FRYL: variants seen among roughly 807,000 people sequenced by gnomAD.
FRYL encodes the protein FRY like transcription coactivator, also known as protein furry homolog-like.
FRYL carries 150 observed loss-of-function variants against 351.2 expected under a neutral mutation model. The observed-to-expected ratio is 0.43, with a 90% confidence interval of 0.37 to 0.49. The LOEUF (loss-of-function observed/expected upper bound fraction) is 0.49, where lower values mean the gene tolerates loss of function less well. FRYL is among the 20% of genes least tolerant of loss of function. FRYL has a pLI of 0.00. For missense variants in FRYL, 3,036 were observed against 3,619.3 expected (o/e 0.84, Z 4.13); for synonymous variants, 1,153 against 1,257.1 (o/e 0.92, Z 1.75).
At position 48,605,703 on chromosome 4, in the gene FRYL, TAACACACAAA is replaced by T. The variant is rs767551816; in HGVS notation, c.834+28_834+37del. 2.2e-5 allele frequency: 28 copies of T among 1,276,512 alleles called. No homozygotes were observed. In the Admixed American group the frequency reaches 4.9e-4, roughly 22 times the overall value. 79.1% of individuals were successfully genotyped at this position (1,276,512 alleles called of 1,614,324 possible). A position where few individuals can be genotyped will look rare whatever the true frequency, so the allele number is the denominator to read the frequency against. ...GTATAAGGTTGATAAGGTTCTTGTA[TAACACACAAA>T]TGGTATGAAAATAAGAAAAATACTT... On this transcript the variant is annotated intron_variant, in intron 11 of 63. Transcript: ENST00000358350.
rs1314846724 is a variant in FRYL at position 48,653,942 on chromosome 4, A to C, written c.-80-19452T>G. On this transcript the variant is annotated intron_variant, in intron 3 of 63. Transcript: ENST00000358350. Reference sequence around the variant, plus strand: ...TGGCCCACAGTGCCTTGGCTTCATTACCATGCAGTCTTGCAGTGACGCACA... The same window carrying C: ...TGGCCCACAGTGCCTTGGCTTCATTCCCATGCAGTCTTGCAGTGACGCACA... 3 of 1,215,410 alleles carry C rather than the reference A, an allele frequency of 2.5e-6. No homozygotes were observed. The African/African-American group carries it at 4.8e-5, about 19-fold the overall frequency. 75.3% of individuals were successfully genotyped at this position (1,215,410 alleles called of 1,614,324 possible).
intron 27 of FRYL, among the ~76,000 whole-genome samples, chr4:48,569,643 T>C (rs1297964052): frequency 6.6e-6 from 1 of 152,124 alleles, no homozygotes; most frequent in Non-Finnish European, 1.5e-5. Flanking sequence ...GAAAAGTAAA[T>C]CAATGGTTTA....
chr4:48,594,690 C>A lies in FRYL; in HGVS notation c.1249-674G>T, dbSNP rs1344228374. On this transcript the variant is annotated intron_variant, in intron 15 of 63. Transcript: ENST00000358350. Reference sequence around the variant, plus strand: ...TAAATATTCTTTATTTCTTCACTGTCAAAAATAATTGAATTATGGATCATC... The same window carrying A: ...TAAATATTCTTTATTTCTTCACTGTAAAAAATAATTGAATTATGGATCATC... 5.9e-5 allele frequency among the ~76,000 whole-genome samples: 9 copies of A among 152,212 alleles called. No individual in the cohort carries two copies. In the South Asian group the frequency reaches 1.7e-3, roughly 28 times the overall value.
chr4:48,681,466 A>G (rs1210672831), intron 3 of FRYL, among the ~76,000 whole-genome samples: 1 of 152,148 alleles, frequency 6.6e-6, no homozygotes, highest in Non-Finnish European at 1.5e-5. Flanking sequence ...TTTCACTGTG[A>G]TCATGTAAAG....
chr4:48,547,341 C>A, intron 41 of FRYL: 1 of 306,606 alleles, frequency 3.3e-6, no homozygotes. Flanking sequence ...ATTATGTCTT[C>A]AACTTACATA....
Position 48,609,050 on chromosome 4 carries a change from G to C in FRYL, c.509C>G (p.Thr170Ser), listed in dbSNP as rs768325185. Residue 170 changes from threonine to serine, a missense_variant, in exon 9 of 64, where the codon ACT becomes AGT. By Grantham distance (58) the Thr-to-Ser change is moderately conservative. Transcript: ENST00000358350. ...KHKEGYSGTNTGNVHIIADLY... is the reference protein window; with the variant it reads ...KHKEGYSGTNSGNVHIIADLY... ...ATCAGCAATAATATGCACATTCCCA[G>C]TGTTGGTTCCTGAATATCTAAAATA... is the stretch of plus-strand genomic sequence containing the variant. The C allele has an allele frequency of 5.0e-6, 8 of 1,602,208 alleles. No individual in the cohort carries two copies. Among genetic ancestry groups the C allele is most frequent in the Non-Finnish European group, 6.8e-6 (8 of 1,170,224 alleles).
In FRYL at chr4:48,579,008, T is replaced by C; in HGVS notation, c.2493A>G (p.Thr831=). The C allele has an allele frequency of 6.2e-7, 1 of 1,613,168 alleles. No individual in the cohort carries two copies. The highest frequency in any genetic ancestry group is 8.5e-7 in the Non-Finnish European group (1 of 1,179,658). Residue 831 remains threonine (T), a synonymous_variant, in exon 23 of 64, where the codon ACA becomes ACG. Coordinates refer to ENST00000358350, the MANE Select transcript of FRYL (RefSeq NM_015030.2). ...AVSYAWMFAY[T]RLQLLSPQVD... is the part of the protein sequence containing the mutation. ...CCTGAGGGGACAACAACTGAAGTCT[T>C]GTGTATGCAAACATCCAAGCATAGC...
intron 1 of FRYL, among the ~76,000 whole-genome samples, chr4:48,761,675 A>G (rs1774434952): frequency 3.3e-5 from 5 of 152,184 alleles, no homozygotes; most frequent in Admixed American, 3.3e-4. Flanking sequence ...CTAAACATAG[A>G]AAAGTATCTA....
intron 3 of FRYL, among the ~76,000 whole-genome samples, chr4:48,670,614 C>T (rs1379145228): frequency 6.6e-6 from 1 of 152,062 alleles, no homozygotes; most frequent in African/African-American, 2.4e-5. Context: ...CTGCTTTTCC[C>T]AGCCTCTGGT....
intron 26 of FRYL, among the ~76,000 whole-genome samples, chr4:48,572,592 G>T (rs2149114621): frequency 6.6e-6 from 1 of 152,178 alleles, no homozygotes; most frequent in Admixed American, 6.5e-5. Flanking sequence ...CAGAGTCCCA[G>T]GCTTTCTTCT....
intron 47 of FRYL, 139 bp downstream of exon 47, chr4:48,539,832 G>A (rs1285081843): frequency 3.3e-6 from 2 of 597,260 alleles, no homozygotes; most frequent in South Asian, 2.6e-5. Context: ...TCCTTTATGT[G>A]CATAAAAATA....
At chr4:48,778,988 C>T (rs1414897507) in intron 1 of FRYL, among the ~76,000 whole-genome samples, 2 of 129,462 alleles carry the variant, frequency 1.5e-5, no homozygotes, top group African/African-American at 5.9e-5. Flanking sequence ...TCCTCACCAG[C>T]ACACACCCTA....
chr4:48,715,216 A>T (rs1244258902), intron 1 of FRYL, among the ~76,000 whole-genome samples: 2 of 151,462 alleles, frequency 1.3e-5, no homozygotes, highest in Non-Finnish European at 3.0e-5. Flanking sequence ...CTGGCACAAG[A>T]CAGGGATGCC....
chr4:48,587,639 G>T (rs1347452723), intron 18 of FRYL, among the ~76,000 whole-genome samples: 6 of 152,118 alleles, frequency 3.9e-5, no homozygotes, highest in Admixed American at 3.3e-4. Flanking sequence ...CGCCTCCCGG[G>T]TTCAGGCGAT....
At chr4:48,633,763 C>G (rs1432691984) in intron 4 of FRYL, among the ~76,000 whole-genome samples, 1 of 152,180 alleles carries the variant, frequency 6.6e-6, no homozygotes, top group African/African-American at 2.4e-5. Context: ...CCCTTTCATT[C>G]CAGCCTGAAC....
chr4:48,765,664 C>T (rs543572890), intron 1 of FRYL, among the ~76,000 whole-genome samples: 2 of 151,954 alleles, frequency 1.3e-5, no homozygotes, highest in African/African-American at 4.8e-5. Context: ...GTCAAACTAA[C>T]AAGTTTCTGC....
chr4:48,553,421 A>G, intron 35 of FRYL, 38 bp from the exon 36 acceptor site: 1 of 1,476,840 alleles, frequency 6.8e-7, no homozygotes, highest in Non-Finnish European at 9.4e-7. Context: ...GAAAAAGCAA[A>G]GTTTTTATCT....
intron 28 of FRYL, among the ~76,000 whole-genome samples, chr4:48,566,638 C>T (rs1402138887): frequency 2.0e-5 from 3 of 152,098 alleles, no homozygotes; most frequent in South Asian, 2.1e-4. Context: ...TCTGTATATA[C>T]TATTCAAAAT....
At chr4:48,658,940 C>CTA (rs1291514986) in intron 3 of FRYL, among the ~76,000 whole-genome samples, 1 of 152,092 alleles carries the variant, frequency 6.6e-6, no homozygotes, top group African/African-American at 2.4e-5. Flanking sequence ...CAGTAACTAC[C>CTA]TATAGCATTG....
Sources: allele counts gnomAD v4.1 joint callset (sites outside exome capture counted in the v4.1 genomes callset), GRCh38; gene constraint gnomAD v4.1.1; transcripts MANE v1.5; gene names NCBI Gene and HGNC (gene_info 2026-07-23, HGNC 2026-07-21).